DNAI4: variants seen among roughly 807,000 people sequenced by gnomAD.
The protein encoded by DNAI4 is dynein axonemal intermediate chain 4, also known as WD repeat domain 78.
In DNAI4, 85 loss-of-function variants were observed where a neutral mutation model predicts 105.8. The observed-to-expected ratio is 0.80, with a 90% CI of 0.67 to 0.96. DNAI4 has a LOEUF of 0.96. DNAI4 is among the 40% of genes least tolerant of loss of function. The pLI, the probability that DNAI4 is intolerant of heterozygous loss-of-function variation, is 0.00. For synonymous variants in DNAI4, 352 were observed against 331.5 expected, an observed-to-expected ratio of 1.06 and a Z score of -0.67; for missense variants, 1,014 against 1,005.6, an observed-to-expected ratio of 1.01 and a Z score of -0.11.
chr1:66,900,629 C>T (rs943880027), intron 2 of DNAI4, among the ~76,000 whole-genome samples: 14 of 152,126 alleles, frequency 9.2e-5, no homozygotes, highest in Non-Finnish European at 1.6e-4. Context: ...TCTTTTATTA[C>T]ATTTATTCCT....
At chr1:66,913,860 T>C (rs930165940) in intron 1 of DNAI4, among the ~76,000 whole-genome samples, 5 of 151,872 alleles carry the variant, frequency 3.3e-5, no homozygotes, top group African/African-American at 9.7e-5. Flanking sequence ...CGGGCACCTG[T>C]AGTCCCAGCT....
chr1:66,890,987 GA>G lies in DNAI4; in HGVS notation c.643+166del, dbSNP rs1647585100. The G allele has an allele frequency of 1.6e-6, 1 of 629,584 alleles. No individual in the cohort carries two copies. Among genetic ancestry groups the G allele is most frequent in the Admixed American group, 2.6e-5 (1 of 38,686 alleles). 39.0% of individuals were successfully genotyped at this position (629,584 alleles called of 1,614,324 possible). ...TGATGATTCAAAACAGTCACCCAGG[GA>G]ACTTAAAAAAATAGATATTCCCCTG... On this transcript the variant is annotated intron_variant, in intron 4 of 16. Coordinates refer to ENST00000371026, the MANE Select transcript of DNAI4 (RefSeq NM_024763.5). The surrounding 1 kb of genome is among the most constrained non-coding windows in gnomAD (Gnocchi z 4.1).
rs758958837 is a variant in DNAI4, at chr1:66,864,987, G to A, written c.941-2685C>T. ...TGTTCTATTTCTTATCCTGGCTGGT[G>A]AGTACATGGTATTGATTTTTTCTTT... is the stretch of plus-strand genomic sequence containing the variant. On this transcript the variant is annotated intron_variant, in intron 6 of 16. Coordinates refer to ENST00000371026, the MANE Select transcript of DNAI4 (RefSeq NM_024763.5). Among the ~76,000 whole-genome samples the A allele has an allele frequency of 5.8e-4, 88 of 152,326 alleles. No individual in the cohort carries two copies. The Middle Eastern group carries it at 0.01, about 18-fold the overall frequency.
intron 10 of DNAI4, 82 bp from the exon 11 acceptor site, chr1:66,835,859 TG>T: frequency 7.8e-7 from 1 of 1,274,080 alleles, no homozygotes; most frequent in Non-Finnish European, 1.1e-6. Flanking sequence ...AGATTTAGTT[TG>T]GTGGCAGTGG....
At position 66,813,896 on chromosome 1, in the gene DNAI4, G is replaced by C. The variant is rs917355225; in HGVS notation, c.*234C>G. On this transcript the variant is annotated 3_prime_UTR_variant, in exon 17 of 17. Transcript: ENST00000371026. ...ACTTAGAATATGATCAAGAGAGTAGGAATATCTTTAGAAAAATTAAGAAAA... is the reference window on the plus strand; with the variant it reads ...ACTTAGAATATGATCAAGAGAGTAGCAATATCTTTAGAAAAATTAAGAAAA... 4.8e-6 allele frequency: 2 copies of C among 415,814 alleles called. No homozygotes were observed. The highest frequency in any genetic ancestry group is 8.5e-6 in the Non-Finnish European group (2 of 235,436). 25.8% of individuals were successfully genotyped at this position (415,814 alleles called of 1,614,324 possible). A position where few individuals can be genotyped will look rare whatever the true frequency, so the allele number is the denominator to read the frequency against.
chr1:66,820,872 C>T (rs1645610222), intron 16 of DNAI4, among the ~76,000 whole-genome samples: 1 of 152,194 alleles, frequency 6.6e-6, no homozygotes, highest in East Asian at 1.9e-4. Flanking sequence ...CTACCTCCTA[C>T]ATGTGACCCA....
chr1:66,893,053 A>AAGAAAGAAAGAAAGAAAGAG (rs1167732856), intron 3 of DNAI4, among the ~76,000 whole-genome samples, 176 bp downstream of exon 3: 16 of 66,594 alleles, frequency 2.4e-4, no homozygotes, highest in Admixed American at 1.5e-3. Flanking sequence ...GAAAGAAAGA[A>AAGAAAGAAAGAAAGAAAGAG]AGAGAGAGAG....
At chr1:66,863,603 G>A (rs1186464674) in intron 6 of DNAI4, among the ~76,000 whole-genome samples, 1 of 152,042 alleles carries the variant, frequency 6.6e-6, no homozygotes, top group Non-Finnish European at 1.5e-5. Context: ...GGGATTACAG[G>A]CACCCACACC....
rs148094747 is a variant in DNAI4, at chr1:66,862,163, C to T, written c.1080G>A (p.Gly360=). ...LPKDQDQRLP[G]STTEKNSETS... ...AAATCTTACTTTTTTCTGTAGTGCTCCCTGGCAATCTTTGGTCCTGATCTT... is the reference window on the plus strand; with the variant it reads ...AAATCTTACTTTTTTCTGTAGTGCTTCCTGGCAATCTTTGGTCCTGATCTT... The change falls in exon 7 of 17, where the codon GGG becomes GGA. Residue 360 remains glycine (G), a synonymous_variant. Coordinates refer to ENST00000371026, the MANE Select transcript of DNAI4 (RefSeq NM_024763.5). The T allele has an allele frequency of 2.0e-4, 322 of 1,581,462 alleles. 3 individuals carry two copies. The African/African-American group carries it at 4.1e-3, about 20-fold the overall frequency.
intron 1 of DNAI4, among the ~76,000 whole-genome samples, chr1:66,923,670 G>A (rs1019647781): frequency 2.6e-5 from 4 of 152,194 alleles, no homozygotes; most frequent in African/African-American, 4.8e-5. Flanking sequence ...GGAGTGGTAG[G>A]ATGGACAAAA....
chr1:66,893,063 G>GAGAGAGAGAA (rs879150798), intron 3 of DNAI4, among the ~76,000 whole-genome samples, 166 bp downstream of exon 3: 4 of 89,540 alleles, frequency 4.5e-5, no homozygotes, highest in African/African-American at 2.0e-4. Context: ...AAGAGAGAGA[G>GAGAGAGAGAA]AGAAAGAAAG....
At chr1:66,860,719 T>C (rs1646607747) in intron 7 of DNAI4, 1 of 152,110 alleles carries the variant, frequency 6.6e-6, no homozygotes, top group Non-Finnish European at 1.5e-5. Flanking sequence ...CACTCGCACA[T>C]TTTTGTAGGT....
At chr1:66,826,691 A>C in intron 15 of DNAI4, 129 bp downstream of exon 15, 1 of 729,438 alleles carries the variant, frequency 1.4e-6, no homozygotes, top group Non-Finnish European at 2.3e-6. Flanking sequence ...TTTATTCATA[A>C]AGGACTCTCA....
chr1:66,836,211 AGAGAGAG>A (rs1557908356), intron 10 of DNAI4, among the ~76,000 whole-genome samples: 58 of 67,948 alleles, frequency 8.5e-4, no homozygotes, highest in African/African-American at 1.4e-3. Context: ...AAAGAAAGAG[AGAGAGAG>A]AGAGAGAGAG....
At chr1:66,823,823 G>A (rs1226400810) in intron 15 of DNAI4, among the ~76,000 whole-genome samples, 1 of 150,874 alleles carries the variant, frequency 6.6e-6, no homozygotes, top group Non-Finnish European at 1.5e-5. Flanking sequence ...TTTGTCAGAT[G>A]AGTAGGTTGT....
At chr1:66,847,129 G>A (rs2016817484) in intron 8 of DNAI4, among the ~76,000 whole-genome samples, 1 of 152,194 alleles carries the variant, frequency 6.6e-6, no homozygotes, top group Admixed American at 6.5e-5. Flanking sequence ...ATCTGCTTCT[G>A]TGGGCATCCT....
In DNAI4 at chr1:66,874,899, T is replaced by C; in HGVS notation, c.682A>G (p.Thr228Ala). 1 of 1,612,236 alleles carries C rather than the reference T, an allele frequency of 6.2e-7. No individual in the cohort carries two copies. Among genetic ancestry groups the C allele is most frequent in the African/African-American group, 1.3e-5 (1 of 74,892 alleles). Residue 228 changes from threonine to alanine, a missense_variant, in exon 5 of 17, where the codon ACA becomes GCA. Transcript: ENST00000371026. The part of the protein sequence containing the change: ...VIRAAPEKIV[T>A]KEDLEKNIEI... ...ATATTCTTCTCCAGGTCTTCTTTTG[T>C]TACAATTTTTTCAGGTGCTGCCCTT... is the stretch of plus-strand genomic sequence containing the variant.
chr1:66,906,485 G>A (rs1649260017), intron 1 of DNAI4, among the ~76,000 whole-genome samples: 1 of 151,724 alleles, frequency 6.6e-6, no homozygotes, highest in Non-Finnish European at 1.5e-5. Context: ...TTTAAATAAC[G>A]ATCAATCCAG....
chr1:66,878,003 T>C (rs1165842328), intron 4 of DNAI4, among the ~76,000 whole-genome samples: 7 of 152,186 alleles, frequency 4.6e-5, no homozygotes, highest in East Asian at 3.9e-4. Context: ...AAAGTTATTT[T>C]CCCCCCTCTC....
Sources: gnomAD v4.1 joint callset for allele counts (sites outside exome capture counted in the v4.1 genomes callset) on GRCh38, gnomAD v4.1.1 for gene constraint, Gnocchi (gnomAD v3.1) non-coding constraint, MANE v1.5 for transcripts, NCBI Gene and HGNC (gene_info 2026-07-23, HGNC 2026-07-21) for gene names.